TEX11: variants seen among roughly 807,000 people sequenced by gnomAD.
The protein encoded by TEX11 is testis expressed 11.
TEX11 carries 7 observed loss-of-function variants against 84.4 expected under a neutral mutation model. The ratio of observed to expected loss-of-function variants is 0.08; its 90% confidence interval spans 0.05 to 0.16. The LOEUF is 0.16. Ranked by LOEUF, TEX11 falls within the 10% of genes least tolerant of loss-of-function variation. The pLI, the probability that TEX11 is intolerant of heterozygous loss-of-function variation, is 1.00. For synonymous variants in TEX11, 264 were observed against 222.8 expected, an observed-to-expected ratio of 1.18 and a Z score of -1.64; for missense variants, 551 against 660.5, an observed-to-expected ratio of 0.83 and a Z score of 1.82.
At chrX:70,831,853 CA>C (rs2091378614) in intron 8 of TEX11, among the ~76,000 whole-genome samples, 1 of 110,815 alleles carries the variant, frequency 9.0e-6, no homozygotes, top group Non-Finnish European at 1.9e-5. Context: ...CAATGTATAT[CA>C]AAATATTATG....
intron 7 of TEX11, among the ~76,000 whole-genome samples, chrX:70,851,006 G>A (rs1412869311): frequency 8.9e-6 from 1 of 112,264 alleles, no homozygotes; most frequent in Non-Finnish European, 1.9e-5. Context: ...ATATTCTTAT[G>A]ATAACAATAT....
chrX:70,516,432 G>A, the TEX11 span, among the ~76,000 whole-genome samples: 1 of 111,760 alleles, frequency 8.9e-6, no homozygotes, highest in Non-Finnish European at 1.9e-5. Flanking sequence ...GATGGTTGTA[G>A]ATGTGTGGTG....
chrX:70,571,569 G>A (rs142125467), intron 25 of TEX11, among the ~76,000 whole-genome samples: 90 of 111,208 alleles, frequency 8.1e-4, no homozygotes, highest in African/African-American at 2.7e-3. Context: ...CTATTCCATC[G>A]TTTTCATTTT....
At chrX:70,655,275 T>C (rs1254123618) in intron 16 of TEX11, among the ~76,000 whole-genome samples, 1 of 111,281 alleles carries the variant, frequency 9.0e-6, no homozygotes, top group Non-Finnish European at 1.9e-5. Context: ...AATTTATACA[T>C]GTGTGTATAT....
chrX:70,547,042 A>C (rs1351457428), intron 28 of TEX11, among the ~76,000 whole-genome samples: 1 of 107,815 alleles, frequency 9.3e-6, no homozygotes, highest in African/African-American at 3.3e-5. Context: ...AAAAAAAAAA[A>C]AAAAAAAAAA....
At chrX:70,851,829 C>T (rs73546744) in intron 7 of TEX11, among the ~76,000 whole-genome samples, 3,128 of 111,389 alleles carry the variant, frequency 0.028, 103 homozygotes, top group African/African-American at 0.096. Context: ...TGCAACAACA[C>T]TGATGAACCC....
At chrX:70,756,274 A>G (rs1376251831) in intron 9 of TEX11, among the ~76,000 whole-genome samples, 1 of 112,203 alleles carries the variant, frequency 8.9e-6, no homozygotes, top group African/African-American at 3.2e-5. Flanking sequence ...TTCTCCCAGC[A>G]TGGTGTTCAG....
At chrX:70,580,569 C>T (rs1426856522) in intron 25 of TEX11, among the ~76,000 whole-genome samples, 5 of 111,801 alleles carry the variant, frequency 4.5e-5, no homozygotes, top group Non-Finnish European at 9.4e-5. Context: ...AATGGATACA[C>T]TTATAATGTA....
intron 8 of TEX11, among the ~76,000 whole-genome samples, chrX:70,808,900 T>C (rs1304644997): frequency 8.9e-6 from 1 of 111,896 alleles, no homozygotes; most frequent in African/African-American, 3.2e-5. Flanking sequence ...TGTTTAGACA[T>C]GCAAACTCTT....
chrX:70,679,524 G>A (rs1425763537), intron 14 of TEX11, among the ~76,000 whole-genome samples: 8 of 104,967 alleles, frequency 7.6e-5, no homozygotes, highest in African/African-American at 1.8e-4. Context: ...CATCCCATCT[G>A]GGAAGTGAGG....
intron 20 of TEX11, among the ~76,000 whole-genome samples, chrX:70,620,490 T>C (rs757260168): frequency 1.8e-5 from 2 of 111,858 alleles, no homozygotes; most frequent in Non-Finnish European, 3.8e-5. Flanking sequence ...GGGACTCTTA[T>C]TCATTGCTGG....
intron 2 of TEX11, among the ~76,000 whole-genome samples, chrX:70,881,005 C>CAAAAA (rs11284342): frequency 1.3e-4 from 6 of 46,217 alleles, no homozygotes; most frequent in African/African-American, 3.9e-4. Flanking sequence ...AGACATCATC[C>CAAAAA]AAAAAAAAAA....
intron 16 of TEX11, among the ~76,000 whole-genome samples, chrX:70,654,811 C>T (rs1341723037): frequency 9.6e-6 from 1 of 104,364 alleles, no homozygotes; most frequent in Non-Finnish European, 2.0e-5. Context: ...TGTATAAACA[C>T]GAAATGCCCT....
intron 10 of TEX11, among the ~76,000 whole-genome samples, 182 bp downstream of exon 10, chrX:70,743,982 TA>T (rs779269227): frequency 9.1e-6 from 1 of 109,988 alleles, no homozygotes; most frequent in East Asian, 2.8e-4. Context: ...AATTCATGGG[TA>T]CATGCCTATG....
intron 8 of TEX11, among the ~76,000 whole-genome samples, chrX:70,830,671 C>A (rs2091372371): frequency 9.0e-6 from 1 of 111,467 alleles, no homozygotes; most frequent in Admixed American, 9.6e-5. Flanking sequence ...AGATATTTAT[C>A]TAAGGAAGAC....
chrX:70,554,441 G>A (rs923075610), intron 26 of TEX11, among the ~76,000 whole-genome samples: 3 of 111,717 alleles, frequency 2.7e-5, no homozygotes, highest in African/African-American at 6.5e-5. Context: ...TGACCCTAAA[G>A]AGATTATAAT....
intron 2 of TEX11, 59 bp downstream of exon 2, chrX:70,907,694 A>G (rs2091841458): frequency 1.1e-6 from 1 of 937,438 alleles, no homozygotes; most frequent in African/African-American, 1.9e-5. Flanking sequence ...GCCCAGCAAT[A>G]TTTAGATCTT....
At chrX:70,546,113 G>A (rs1255030725) in intron 28 of TEX11, among the ~76,000 whole-genome samples, 1 of 111,872 alleles carries the variant, frequency 8.9e-6, no homozygotes, top group Non-Finnish European at 1.9e-5. Flanking sequence ...CCCCAGTGTG[G>A]GAGAGTCAGA....
At position 70,863,630 on chromosome X, in the gene TEX11, GC is replaced by G. The variant is rs200346180; in HGVS notation, c.245-2695del. On this transcript the variant is annotated intron_variant, in intron 4 of 29. Coordinates refer to ENST00000374333, the MANE Select transcript of TEX11 (RefSeq NM_031276.3). ...TCCACGAAGATGAGGAAAAACCAGT[GC>G]AAAAATGCTGAAAATTCCAAAAACC... 5.5e-3 allele frequency among the ~76,000 whole-genome samples: 615 copies of G among 111,976 alleles called. 2 individuals are homozygous for G. The highest frequency in any genetic ancestry group is 0.019 in the African/African-American group (598 of 30,844).
Sources: gnomAD v4.1 joint callset for allele counts (sites outside exome capture counted in the v4.1 genomes callset) on GRCh38, gnomAD v4.1.1 for gene constraint, MANE v1.5 for transcripts, NCBI Gene and HGNC (gene_info 2026-07-23, HGNC 2026-07-21) for gene names.